DMGDH: variants seen among roughly 807,000 people sequenced by gnomAD.
The protein encoded by DMGDH is dimethylglycine dehydrogenase, mitochondrial.
A neutral mutation model predicts 95.2 loss-of-function variants in DMGDH; 76 were observed. The ratio of observed to expected loss-of-function variants is 0.80; its 90% CI spans 0.66 to 0.97. The LOEUF is 0.97. DMGDH is among the 50% of genes least tolerant of loss of function. DMGDH has a pLI of 0.00. For synonymous variants in DMGDH, 345 were observed against 377.6 expected (o/e 0.91, Z 1.00); for missense variants, 987 against 1,055.0 (o/e 0.94, Z 0.89).
intron 4 of DMGDH, among the ~76,000 whole-genome samples, chr5:79,052,058 T>C (rs1478184391): frequency 1.3e-5 from 2 of 152,224 alleles, no homozygotes; most frequent in Non-Finnish European, 2.9e-5. Context: ...TCTGTATCTA[T>C]TGAAATAACT....
chr5:78,998,423 G>C, intron 15 of DMGDH, 126 bp from the exon 16 acceptor site: 1 of 837,846 alleles, frequency 1.2e-6, no homozygotes, highest in Non-Finnish European at 2.0e-6. Flanking sequence ...GTGCTGTCTG[G>C]GGGGACAACG....
chr5:79,026,450 T>C lies in DMGDH; in HGVS notation c.2164A>G (p.Lys722Glu), dbSNP rs750729721. ...TCTAACCCCCAGGCTCTGAAGGCTTTCTCCAGGCGTAAGGCATTCATGGCA... is the reference window on the plus strand; with the variant it reads ...TCTAACCCCCAGGCTCTGAAGGCTTCCTCCAGGCGTAAGGCATTCATGGCA... ...TYAMNALRLE[K>E]AFRAWGLEMN... The change falls in exon 13 of 16, where the codon AAA becomes GAA. Residue 722 changes from lysine (K) to glutamate (E), a missense_variant. Lys to Glu is a moderately conservative substitution (Grantham distance 56, BLOSUM62 1). Transcript: ENST00000255189. 2 of 1,614,044 alleles carry C rather than the reference T, an allele frequency of 1.2e-6. No homozygotes were observed. Among genetic ancestry groups the C allele is most frequent in the South Asian group, 2.2e-5 (2 of 91,086 alleles).
intron 1 of DMGDH, among the ~76,000 whole-genome samples, chr5:79,066,496 A>G (rs1415606599): frequency 6.9e-6 from 1 of 145,300 alleles, no homozygotes; most frequent in Non-Finnish European, 1.5e-5. Context: ...GGGTTTCTCC[A>G]TGCTAACCGG....
chr5:79,067,756 A>T (rs1755419024), intron 1 of DMGDH, among the ~76,000 whole-genome samples: 1 of 152,200 alleles, frequency 6.6e-6, no homozygotes, highest in Non-Finnish European at 1.5e-5. Flanking sequence ...TTTGAAATAA[A>T]ACTTAGGAGC....
chr5:79,054,873 T>C (rs1301458361), intron 3 of DMGDH, among the ~76,000 whole-genome samples: 1 of 152,238 alleles, frequency 6.6e-6, no homozygotes, highest in Non-Finnish European at 1.5e-5. Flanking sequence ...GCCCTCAAGT[T>C]ACTTGTAGGG....
chr5:79,069,005 AC>A (rs1411388315), intron 1 of DMGDH, among the ~76,000 whole-genome samples: 4 of 152,192 alleles, frequency 2.6e-5, no homozygotes, highest in Non-Finnish European at 5.9e-5. Flanking sequence ...TCCCATATGT[AC>A]TCAAAGATAG....
chr5:79,032,355 C>G (rs974957024), intron 9 of DMGDH, among the ~76,000 whole-genome samples: 1 of 152,172 alleles, frequency 6.6e-6, no homozygotes, highest in African/African-American at 2.4e-5. Context: ...CACTGAGCAC[C>G]CTAAAGTACA....
chr5:79,038,071 A>G (rs1477785420), intron 7 of DMGDH, among the ~76,000 whole-genome samples: 1 of 152,214 alleles, frequency 6.6e-6, no homozygotes, highest in Non-Finnish European at 1.5e-5. Flanking sequence ...TTGACAAACT[A>G]GTCCTAAAAT....
intron 2 of DMGDH, among the ~76,000 whole-genome samples, chr5:79,059,083 G>T (rs1755117359): frequency 6.6e-6 from 1 of 152,114 alleles, no homozygotes; most frequent in East Asian, 1.9e-4. Context: ...TATTAATAGA[G>T]ATCATAAACA....
At chr5:79,044,091 C>T (rs1172992194) in intron 6 of DMGDH, among the ~76,000 whole-genome samples, 2 of 152,220 alleles carry the variant, frequency 1.3e-5, no homozygotes, top group Non-Finnish European at 2.9e-5. Flanking sequence ...AGCTTCTCTA[C>T]CATCAACTAC....
In DMGDH at chr5:79,028,665, T is replaced by C. The variant is rs1754068692; in HGVS notation, c.1815-15A>G. 1.2e-6 allele frequency: 2 copies of C among 1,612,484 alleles called. No individual in the cohort carries two copies. The highest frequency in any genetic ancestry group is 1.7e-6 in the Non-Finnish European group (2 of 1,178,602). On this transcript the variant is annotated splice_polypyrimidine_tract_variant and intron_variant, in intron 11 of 15. Coordinates refer to ENST00000255189, the MANE Select transcript of DMGDH (RefSeq NM_013391.3). Reference sequence around the variant, plus strand: ...CTTCAATCCATCTGCGTTTTAGTCATGAACATGGTGTTAAATATTGCTTGA... The same window carrying C: ...CTTCAATCCATCTGCGTTTTAGTCACGAACATGGTGTTAAATATTGCTTGA...
chr5:79,045,251 A>T (rs575941087), intron 5 of DMGDH, among the ~76,000 whole-genome samples: 1 of 152,368 alleles, frequency 6.6e-6, no homozygotes, highest in South Asian at 2.1e-4. Flanking sequence ...GAGAAGCCAC[A>T]GGAAAGGGGA....
chr5:79,008,276 G>C (rs916092523), intron 14 of DMGDH, among the ~76,000 whole-genome samples: 1 of 152,154 alleles, frequency 6.6e-6, no homozygotes, highest in Non-Finnish European at 1.5e-5. Context: ...CATTCTTTGA[G>C]TTGAGTTTTG....
intron 7 of DMGDH, 101 bp downstream of exon 7, chr5:79,042,182 C>T (rs1754528043): frequency 2.7e-6 from 3 of 1,116,112 alleles, no homozygotes. Flanking sequence ...CTCTCTCTCT[C>T]AGCCTCCCAC....
intron 11 of DMGDH, among the ~76,000 whole-genome samples, chr5:79,029,413 T>C (rs1425647674): frequency 6.6e-6 from 1 of 152,196 alleles, no homozygotes; most frequent in Non-Finnish European, 1.5e-5. Context: ...AGGCTGGACT[T>C]GGCAGGTCAG....
chr5:79,036,841 G>C (rs1297585725), intron 7 of DMGDH, among the ~76,000 whole-genome samples: 1 of 152,078 alleles, frequency 6.6e-6, no homozygotes, highest in Non-Finnish European at 1.5e-5. Flanking sequence ...CTGAATGTTT[G>C]TGTCCTCCCA....
intron 14 of DMGDH, chr5:79,021,448 T>A (rs1753864540): frequency 9.1e-6 from 11 of 1,211,878 alleles, no homozygotes; most frequent in Non-Finnish European, 1.2e-5. Context: ...TGTATCAACT[T>A]CACATAAGCC....
intron 14 of DMGDH, among the ~76,000 whole-genome samples, 153 bp from the exon 15 acceptor site, chr5:79,005,560 T>C (rs1438660563): frequency 2.6e-5 from 4 of 152,244 alleles, no homozygotes; most frequent in Non-Finnish European, 4.4e-5. Context: ...CAAATATTTC[T>C]TAGTCCTCAA....
intron 7 of DMGDH, among the ~76,000 whole-genome samples, chr5:79,037,442 C>T (rs1195602028): frequency 6.6e-6 from 1 of 152,144 alleles, no homozygotes; most frequent in Non-Finnish European, 1.5e-5. Context: ...TGGGGGTATT[C>T]CATTATATTA....
Sources: gnomAD v4.1 joint callset for allele counts (sites outside exome capture counted in the v4.1 genomes callset) on GRCh38, gnomAD v4.1.1 for gene constraint, MANE v1.5 for transcripts, NCBI Gene and HGNC (gene_info 2026-07-23, HGNC 2026-07-21) for gene names.